Variants in ABHD18 observed in about 807,000 individuals in gnomAD.
ABHD18 encodes the protein cardiolipin-specific deacylase, mitochondrial.
A neutral mutation model predicts 65.9 loss-of-function variants in ABHD18; 55 were observed. The observed-to-expected ratio is 0.84, with a 90% CI of 0.67 to 1.05. ABHD18 has a LOEUF of 1.05. Among genes scored for constraint, ABHD18 ranks in the 50% least tolerant of loss-of-function variants. The pLI is 0.00. For missense variants in ABHD18, 533 were observed against 558.5 expected, an observed-to-expected ratio of 0.95 and a Z score of 0.46; for synonymous variants, 181 against 180.2, an observed-to-expected ratio of 1.00 and a Z score of -0.04.
At chr4:128,008,409 T>A (rs985973591) in intron 4 of ABHD18, among the ~76,000 whole-genome samples, 34 of 150,846 alleles carry the variant, frequency 2.3e-4, no homozygotes, top group Non-Finnish European at 3.5e-4. Context: ...GTAGCTGGAA[T>A]TACGGGCATG....
At position 128,028,818 on chromosome 4, in the gene ABHD18, T is replaced by G; in HGVS notation, c.1145T>G (p.Val382Gly). The change falls in exon 11 of 13, where the codon GTC becomes GGC. Residue 382 changes from valine (V) to glycine (G), a missense_variant. Physicochemically the swap from Val to Gly is moderately radical, Grantham distance 109 (BLOSUM62 -3). Around this residue, in one of 3 missense-constraint regions of ABHD18, gnomAD observed 220 missense variants for 226.8 expected, o/e 0.97. Transcript: ENST00000645843. ...GAGTCTTTAATATTTATGAAAGGAG[T>G]CATGGATGAATGTACTCATGTAGCA... ...RKESLIFMKG[V>G]MDECTHVANF... The G allele has an allele frequency of 6.3e-7, 1 of 1,590,890 alleles. No individual in the cohort carries two copies. Among genetic ancestry groups the G allele is most frequent in the South Asian group, 1.2e-5 (1 of 86,562 alleles).
rs766321670 is a variant in ABHD18 at position 128,035,786 on chromosome 4, C to T, written c.1368C>T (p.Asp456=). The T allele has an allele frequency of 1.2e-5, 18 of 1,537,466 alleles. No individual in the cohort carries two copies. Among genetic ancestry groups the T allele is most frequent in the Non-Finnish European group, 1.5e-5 (17 of 1,137,794 alleles). ...LFRQAIYDAF[D]RFLHKYAN ...GACAAGCCATCTATGATGCATTTGACCGCTTCCTCCATAAATACGCTAACT... is the reference window on the plus strand; with the variant it reads ...GACAAGCCATCTATGATGCATTTGATCGCTTCCTCCATAAATACGCTAACT... The change falls in exon 13 of 13, where the codon GAC becomes GAT. Residue 456 remains aspartate (D), a synonymous_variant. Coordinates refer to ENST00000645843, the MANE Select transcript of ABHD18 (RefSeq NM_001358451.3).
At chr4:127,974,890 G>T (rs887652753) in intron 1 of ABHD18, among the ~76,000 whole-genome samples, 1 of 151,384 alleles carries the variant, frequency 6.6e-6, no homozygotes, top group African/African-American at 2.4e-5. Flanking sequence ...CAGCTACTTG[G>T]GAGGCTGAGC....
At position 128,008,963 on chromosome 4, in the gene ABHD18, C is replaced by A; in HGVS notation, c.322C>A (p.Pro108Thr). The A allele has an allele frequency of 1.2e-6, 2 of 1,611,140 alleles. No homozygotes were observed. Among genetic ancestry groups the A allele is most frequent in the South Asian group, 2.2e-5 (2 of 89,888 alleles). The change falls in exon 5 of 13, where the codon CCT becomes ACT. Residue 108 changes from proline (P) to threonine (T), a missense_variant. Pro to Thr is a conservative substitution (Grantham distance 38). This residue lies in a region of ABHD18 where 309 missense variants were observed against 313.5 expected (regional missense o/e 0.99). Transcript: ENST00000645843. The stretch of plus-strand genomic sequence containing the variant: ...TAAAGAATGGAACAGCAAATATAGA[C>A]CTGTATGCATTCATCTTGCTGGAAC... ...VPKEWNSKYR[P>T]VCIHLAGTGD...
chr4:128,024,398 C>A (rs1220896179), intron 10 of ABHD18, among the ~76,000 whole-genome samples: 1 of 152,178 alleles, frequency 6.6e-6, no homozygotes, highest in African/African-American at 2.4e-5. Flanking sequence ...GTTTCCAACA[C>A]ATGAACTTTG....
chr4:128,032,424 C>T (rs1226179362), intron 12 of ABHD18, among the ~76,000 whole-genome samples: 4 of 152,228 alleles, frequency 2.6e-5, no homozygotes, highest in African/African-American at 9.6e-5. Context: ...CGGTGGCTCA[C>T]ATCTGTAATC....
intron 1 of ABHD18, among the ~76,000 whole-genome samples, chr4:127,974,326 T>G (rs1747478660): frequency 6.7e-6 from 1 of 148,258 alleles, no homozygotes; most frequent in Non-Finnish European, 1.5e-5. Context: ...GCCTTTTGAG[T>G]AGCTGGGACT....
At chr4:128,004,250 G>A (rs1022409137) in intron 4 of ABHD18, among the ~76,000 whole-genome samples, 1 of 151,628 alleles carries the variant, frequency 6.6e-6, no homozygotes, top group East Asian at 1.9e-4. Context: ...TCAGGGGTTC[G>A]AGACCAGCCT....
At chr4:127,976,563 T>C (rs1399869707) in intron 1 of ABHD18, among the ~76,000 whole-genome samples, 1 of 152,190 alleles carries the variant, frequency 6.6e-6, no homozygotes, top group Non-Finnish European at 1.5e-5. Context: ...TTCAGCCTTT[T>C]GTGGAAAAAC....
chr4:127,991,612 T>A (rs1026030101), intron 4 of ABHD18, among the ~76,000 whole-genome samples: 1 of 152,186 alleles, frequency 6.6e-6, no homozygotes, highest in African/African-American at 2.4e-5. Flanking sequence ...TTTAGCTAAT[T>A]TTATTTAAAA....
chr4:128,016,386 T>C (rs942022572), intron 7 of ABHD18, among the ~76,000 whole-genome samples: 5 of 152,248 alleles, frequency 3.3e-5, no homozygotes, highest in African/African-American at 2.4e-5. Context: ...TCATAAATTA[T>C]GTATTTTGTG....
chr4:128,005,047 G>A (rs1056859567), intron 4 of ABHD18, among the ~76,000 whole-genome samples: 1 of 152,174 alleles, frequency 6.6e-6, no homozygotes, highest in Non-Finnish European at 1.5e-5. Flanking sequence ...TGGCCAACAT[G>A]GCGAAACCTG....
At chr4:128,008,879 T>C (rs1473418646) in intron 4 of ABHD18, 41 bp from the exon 5 acceptor site, 4 of 1,432,388 alleles carry the variant, frequency 2.8e-6, no homozygotes, top group Non-Finnish European at 3.8e-6. Flanking sequence ...GAAAGTCCTT[T>C]AAAGAGAATT....
intron 1 of ABHD18, among the ~76,000 whole-genome samples, chr4:127,966,668 C>T (rs944531184): frequency 3.9e-5 from 5 of 126,748 alleles, no homozygotes; most frequent in Non-Finnish European, 7.8e-5. Context: ...ACCATCCTGG[C>T]TAACACGGTG....
intron 4 of ABHD18, among the ~76,000 whole-genome samples, chr4:127,991,508 C>A (rs919254217): frequency 4.6e-5 from 7 of 152,138 alleles, no homozygotes; most frequent in African/African-American, 1.4e-4. Flanking sequence ...CAGGAGTGAG[C>A]CATTGTGCCT....
chr4:127,971,771 A>T (rs549613533), intron 1 of ABHD18, among the ~76,000 whole-genome samples: 1 of 152,244 alleles, frequency 6.6e-6, no homozygotes, highest in East Asian at 1.9e-4. Flanking sequence ...TACAGGCGTG[A>T]GCCACCGCAC....
At chr4:127,988,074 G>C (rs1750293377) in intron 3 of ABHD18, among the ~76,000 whole-genome samples, 1 of 152,120 alleles carries the variant, frequency 6.6e-6, no homozygotes, top group Non-Finnish European at 1.5e-5. Context: ...AGGCAAATAA[G>C]ACCTAATGAA....
intron 1 of ABHD18, among the ~76,000 whole-genome samples, chr4:127,973,636 G>C (rs1274869372): frequency 3.9e-5 from 6 of 151,960 alleles, no homozygotes; most frequent in African/African-American, 9.7e-5. Flanking sequence ...GTGATTGGCT[G>C]TTATTCCCAT....
intron 11 of ABHD18, among the ~76,000 whole-genome samples, chr4:128,029,365 CAAACACACAT>C (rs1248054329): frequency 4.6e-5 from 7 of 150,856 alleles, no homozygotes; most frequent in African/African-American, 1.7e-4. Context: ...CACACACACA[CAAACACACAT>C]ACACACACTC....
Sources: gnomAD v4.1 joint callset for allele counts (sites outside exome capture counted in the v4.1 genomes callset) on GRCh38, gnomAD v4.1.1 for gene constraint, gnomAD v4.1.1 regional missense constraint, MANE v1.5 for transcripts, NCBI Gene and HGNC (gene_info 2026-07-23, HGNC 2026-07-21) for gene names.